The following EXD3 variants were observed in gnomAD, a reference collection of about 807,000 sequenced individuals.
EXD3 encodes the protein exonuclease mut-7 homolog.
Under a neutral mutation model 98.0 loss-of-function variants are expected in EXD3, and 92 were observed. The observed-to-expected ratio is 0.94, with a 90% CI of 0.79 to 1.12. The LOEUF is 1.12. Among genes scored for constraint, EXD3 ranks in the 50% most tolerant of loss-of-function variants. The probability of loss-of-function intolerance (pLI) is 0.00; values close to 1 mark genes in which losing one functional copy is unlikely to be tolerated. For synonymous variants in EXD3, 569 were observed against 526.0 expected, an observed-to-expected ratio of 1.08 and a Z score of -1.12; for missense variants, 1,222 against 1,191.6, an observed-to-expected ratio of 1.03 and a Z score of -0.38.
intron 1 of EXD3, among the ~76,000 whole-genome samples, chr9:137,414,231 T>G (rs1435624359): frequency 6.6e-6 from 1 of 152,198 alleles, no homozygotes; most frequent in East Asian, 1.9e-4. Context: ...TTCTGTTCTC[T>G]TGTGGCTGAC....
chr9:137,373,315 C>T (rs1835734009), intron 4 of EXD3, 111 bp downstream of exon 4: 1 of 1,343,500 alleles, frequency 7.4e-7, no homozygotes. Context: ...CCCTCCCCTT[C>T]CCTGGCTTGC....
chr9:137,366,069 C>T (rs566255781), intron 7 of EXD3: 1 of 682,006 alleles, frequency 1.5e-6, no homozygotes, highest in African/African-American at 1.8e-5. Flanking sequence ...TTCCCTGAAT[C>T]CATACAGGCA....
rs548261705 is a variant in EXD3 at position 137,312,722 on chromosome 9, A to T, written c.2185-3022T>A. ...TGTTAGGGTGGGGTGAGCAGCTAGGAGGGCTCGAGGGGTCTGTTCCCAGGG... is the reference window on the plus strand; with the variant it reads ...TGTTAGGGTGGGGTGAGCAGCTAGGTGGGCTCGAGGGGTCTGTTCCCAGGG... On this transcript the variant is annotated intron_variant, in intron 19 of 21. Coordinates refer to ENST00000340951, the MANE Select transcript of EXD3 (RefSeq NM_017820.5). 4.4e-4 allele frequency among the ~76,000 whole-genome samples: 67 copies of T among 152,250 alleles called. No individual in the cohort carries two copies. In the East Asian group the frequency reaches 6.7e-3, roughly 15 times the overall value.
chr9:137,407,157 C>T lies in EXD3; in HGVS notation c.-47-11753G>A, dbSNP rs1837758275. Among the ~76,000 whole-genome samples, 2 of 152,192 alleles carry T rather than the reference C, an allele frequency of 1.3e-5. No individual in the cohort carries two copies. The highest frequency in any genetic ancestry group is 4.8e-5 in the African/African-American group (2 of 41,462). The stretch of plus-strand genomic sequence containing the variant: ...GACCGCCGCGCGTCCGGGCCGGTCT[C>T]TGGGCCCCTCTGCTGGTGGAACCCG... On this transcript the variant is annotated intron_variant, in intron 1 of 21. Coordinates refer to ENST00000340951, the MANE Select transcript of EXD3 (RefSeq NM_017820.5). This position sits in a 1 kb window ranked among gnomAD's most constrained non-coding sequence, Gnocchi z 4.4.
At chr9:137,345,671 A>AAAAAG (rs1554807529) in intron 17 of EXD3, 27 of 151,040 alleles carry the variant, frequency 1.8e-4, no homozygotes, top group African/African-American at 6.6e-4. Context: ...CAAAAAAAAA[A>AAAAAG]AAAAGGAAAG....
At chr9:137,337,127 A>G (rs982914289) in intron 17 of EXD3, among the ~76,000 whole-genome samples, 1 of 152,220 alleles carries the variant, frequency 6.6e-6, no homozygotes, top group Non-Finnish European at 1.5e-5. Context: ...TATATTTTAT[A>G]GCAAAGAGCA....
chr9:137,376,652 G>C (rs181241911), intron 3 of EXD3, among the ~76,000 whole-genome samples: 1 of 151,986 alleles, frequency 6.6e-6, no homozygotes, highest in Admixed American at 6.6e-5. Flanking sequence ...TCTTTTGGCC[G>C]GGGATGGTGG....
At chr9:137,343,243 G>C (rs1251567829) in intron 17 of EXD3, 2 of 152,236 alleles carry the variant, frequency 1.3e-5, no homozygotes, top group African/African-American at 4.8e-5. Flanking sequence ...TTTAATTTCT[G>C]TTGTAATTCA....
intron 20 of EXD3, among the ~76,000 whole-genome samples, chr9:137,308,925 G>A (rs1831210596): frequency 6.6e-6 from 1 of 152,096 alleles, no homozygotes; most frequent in South Asian, 2.1e-4. Flanking sequence ...GATTACAGGC[G>A]TGAGCCACCG....
chr9:137,312,147 G>C (rs1831393117), intron 19 of EXD3, among the ~76,000 whole-genome samples: 1 of 152,206 alleles, frequency 6.6e-6, no homozygotes, highest in Non-Finnish European at 1.5e-5. Context: ...GCAGAGACAA[G>C]TGGGGCCTGA....
In EXD3 at chr9:137,313,590, G is replaced by T. The variant is rs561838038; in HGVS notation, c.2185-3890C>A. Among the ~76,000 whole-genome samples, 3 of 152,312 alleles carry T rather than the reference G, an allele frequency of 2.0e-5. No homozygotes were observed. In the South Asian group the frequency reaches 6.2e-4, roughly 32 times the overall value. ...GCAAGCTTGTTGCAACCTCAGCCCAGGCCTGTCTCCTGCACTCCTCCCTCT... is the reference window on the plus strand; with the variant it reads ...GCAAGCTTGTTGCAACCTCAGCCCATGCCTGTCTCCTGCACTCCTCCCTCT... On this transcript the variant is annotated intron_variant, in intron 19 of 21. Coordinates refer to ENST00000340951, the MANE Select transcript of EXD3 (RefSeq NM_017820.5).
At chr9:137,307,338 A>C in intron 21 of EXD3, 75 bp from the exon 22 acceptor site, 2 of 1,437,032 alleles carry the variant, frequency 1.4e-6, no homozygotes, top group Non-Finnish European at 1.8e-6. Flanking sequence ...AGAGTGGTGC[A>C]GTTGGCGGCC....
intron 1 of EXD3, among the ~76,000 whole-genome samples, chr9:137,408,641 C>T (rs554153718): frequency 5.5e-4 from 83 of 152,030 alleles, no homozygotes; most frequent in South Asian, 8.3e-4. Flanking sequence ...CCTCCAGGGA[C>T]GTCCAGCACA....
At chr9:137,308,691 C>T (rs956977395) in intron 20 of EXD3, among the ~76,000 whole-genome samples, 3 of 148,032 alleles carry the variant, frequency 2.0e-5, no homozygotes, top group African/African-American at 7.6e-5. Context: ...GGCTGGAGTG[C>T]AGTGGTGTGA....
rs916178071 is a variant in EXD3, at chr9:137,371,273, C to T, written c.462+1632G>A. Among the ~76,000 whole-genome samples, 1 of 152,234 alleles carries T rather than the reference C, an allele frequency of 6.6e-6. No individual in the cohort carries two copies. The highest frequency in any genetic ancestry group is 2.4e-5 in the African/African-American group (1 of 41,464). On this transcript the variant is annotated intron_variant, in intron 5 of 21. Coordinates refer to ENST00000340951, the MANE Select transcript of EXD3 (RefSeq NM_017820.5). This position sits in a 1 kb window ranked among gnomAD's most constrained non-coding sequence, Gnocchi z 8.0. Reference sequence around the variant, plus strand: ...TCAGCGTCGCGCCACATGAGGGGGACCCTCCATCCTGCATTGTCCTGTGCC... The same window carrying T: ...TCAGCGTCGCGCCACATGAGGGGGATCCTCCATCCTGCATTGTCCTGTGCC...
chr9:137,337,580 G>A (rs750762822), intron 17 of EXD3, among the ~76,000 whole-genome samples: 94 of 151,828 alleles, frequency 6.2e-4, no homozygotes, highest in Non-Finnish European at 1.2e-3. Context: ...GAACCCGGGA[G>A]GCGGAGCTTG....
At chr9:137,419,916 T>G (rs968234305) in intron 1 of EXD3, among the ~76,000 whole-genome samples, 1 of 152,074 alleles carries the variant, frequency 6.6e-6, no homozygotes, top group African/African-American at 2.4e-5. Context: ...TCCCAGCACT[T>G]TGGGAGGCCA....
intron 1 of EXD3, among the ~76,000 whole-genome samples, chr9:137,399,491 A>C (rs1042353284): frequency 7.9e-5 from 12 of 152,160 alleles, no homozygotes; most frequent in African/African-American, 2.7e-4. Flanking sequence ...TCTCACTGAA[A>C]GGTTCATTTC....
At chr9:137,351,589 G>T in intron 12 of EXD3, 61 bp from the exon 13 acceptor site, 6 of 1,467,802 alleles carry the variant, frequency 4.1e-6, no homozygotes, top group Non-Finnish European at 5.6e-6. Flanking sequence ...AGGGACCACA[G>T]CCTGGAGGTC....
Sources: gnomAD v4.1 joint callset for allele counts (sites outside exome capture counted in the v4.1 genomes callset) on GRCh38, gnomAD v4.1.1 for gene constraint, Gnocchi (gnomAD v3.1) non-coding constraint, MANE v1.5 for transcripts, NCBI Gene and HGNC (gene_info 2026-07-23, HGNC 2026-07-21) for gene names.